Variants in MCM2 observed in about 807,000 individuals in gnomAD.
MCM2 encodes the protein DNA replication licensing factor MCM2.
A neutral mutation model predicts 86.4 loss-of-function variants in MCM2; 49 were observed. The observed-to-expected ratio is 0.57, with a 90% CI of 0.45 to 0.72. The LOEUF (loss-of-function observed/expected upper bound fraction) is 0.72. Among genes scored for constraint, MCM2 ranks in the 30% least tolerant of loss-of-function variants. The pLI, the probability that MCM2 is intolerant of heterozygous loss-of-function variation, is 0.00. For synonymous variants in MCM2, 475 were observed against 484.6 expected (o/e 0.98, Z 0.26); for missense variants, 1,038 against 1,259.9 (o/e 0.82, Z 2.67).
chr3:127,617,444 C>T lies in MCM2; in HGVS notation c.1900+39C>T, dbSNP rs982587219. ...CCTGACTGCTGGGGCTGGGGTGGGA[C>T]ACAGGGAGGTCCCGCCTGCTTGAAT... is the stretch of plus-strand genomic sequence containing the variant. On this transcript the variant is annotated intron_variant, in intron 11 of 15. Coordinates refer to ENST00000265056, the MANE Select transcript of MCM2 (RefSeq NM_004526.4). This position sits in a 1 kb window ranked among gnomAD's most constrained non-coding sequence, Gnocchi z 4.1. The T allele has an allele frequency of 6.3e-7, 1 of 1,596,488 alleles. No individual in the cohort carries two copies. Among genetic ancestry groups the T allele is most frequent in the Non-Finnish European group, 8.5e-7 (1 of 1,172,162 alleles).
In MCM2 at chr3:127,600,108, C is replaced by T. The variant is rs1010344747; in HGVS notation, c.236+561C>T. ...CAGCCTGGTCAACAGGGTGAAACCC[C>T]GTCTCTGCTAAAAATACAAAAAATT... On this transcript the variant is annotated intron_variant, in intron 2 of 15. Transcript: ENST00000265056. 3.3e-5 allele frequency among the ~76,000 whole-genome samples: 5 copies of T among 152,108 alleles called. No individual in the cohort carries two copies. The East Asian group carries it at 9.6e-4, about 29-fold the overall frequency.
chr3:127,611,693 T>G (rs1365720352), intron 8 of MCM2, among the ~76,000 whole-genome samples: 3 of 111,422 alleles, frequency 2.7e-5, no homozygotes, highest in African/African-American at 1.2e-4. Context: ...TTTTTTTTTT[T>G]TTTTTTTTTT....
intron 9 of MCM2, among the ~76,000 whole-genome samples, chr3:127,616,586 AACGCAG>A: frequency 6.6e-6 from 1 of 152,346 alleles, no homozygotes; most frequent in Non-Finnish European, 1.5e-5. Flanking sequence ...GCCACCAGAT[AACGCAG>A]TTTATTTAGC....
At chr3:127,609,834 T>C (rs1429033640) in intron 8 of MCM2, among the ~76,000 whole-genome samples, 1 of 140,454 alleles carries the variant, frequency 7.1e-6, no homozygotes, top group East Asian at 2.1e-4. Flanking sequence ...CTCAGTCAAC[T>C]TCCTTTTTTT....
chr3:127,601,839 A>T (rs780314764), intron 2 of MCM2, among the ~76,000 whole-genome samples: 1 of 152,208 alleles, frequency 6.6e-6, no homozygotes, highest in Non-Finnish European at 1.5e-5. Flanking sequence ...TGTTCTTGCC[A>T]ACATTGGTCT....
At chr3:127,605,205 A>G in intron 4 of MCM2, 49 bp downstream of exon 4, 11 of 1,587,836 alleles carry the variant, frequency 6.9e-6, no homozygotes, top group Non-Finnish European at 9.5e-6. Flanking sequence ...GCCTCCCTAA[A>G]TCCTCCCCAG....
Position 127,608,462 on chromosome 3 carries a change from G to A in MCM2, c.1182G>A (p.Lys394=). The part of the protein sequence containing the change: ...KVAAGRLPRS[K]DAILLADLVD... ...CGGCTGGCCGGCTGCCCCGCTCCAA[G>A]GACGCCATTCTCCTCGCAGATCTGG... Residue 394 remains lysine (K), a synonymous_variant, in exon 7 of 16, where the codon AAG becomes AAA. Transcript: ENST00000265056. 6.2e-7 allele frequency: 1 copy of A among 1,614,212 alleles called. No homozygotes were observed. Among genetic ancestry groups the A allele is most frequent in the Admixed American group, 1.7e-5 (1 of 60,028 alleles).
In MCM2 at chr3:127,622,100, T is replaced by C. The variant is rs1177875371; in HGVS notation, c.*327T>C. The C allele has an allele frequency of 5.0e-6, 1 of 200,012 alleles. No individual in the cohort carries two copies. Among genetic ancestry groups the C allele is most frequent in the Admixed American group, 6.0e-5 (1 of 16,586 alleles). 12.4% of individuals were successfully genotyped at this position (200,012 alleles called of 1,614,324 possible). A position where few individuals can be genotyped will look rare whatever the true frequency, so the allele number is the denominator to read the frequency against. On this transcript the variant is annotated 3_prime_UTR_variant, in exon 16 of 16. Coordinates refer to ENST00000265056, the MANE Select transcript of MCM2 (RefSeq NM_004526.4). ...CTGCGTGTGGTTTAGGTGTTAGCCT[T>C]CTTACATGGATGTCAGGAGAGCTGC...
chr3:127,608,650 C>A, intron 7 of MCM2, 134 bp downstream of exon 7: 1 of 1,326,100 alleles, frequency 7.5e-7, no homozygotes, highest in African/African-American at 1.5e-5. Flanking sequence ...ATGGCTGAGG[C>A]AAAGAACTTT....
intron 7 of MCM2, 84 bp from the exon 8 acceptor site, chr3:127,608,748 C>G (rs563090409): frequency 3.5e-6 from 5 of 1,412,614 alleles, no homozygotes; most frequent in South Asian, 2.5e-5. Flanking sequence ...GGAGCACTTG[C>G]AATAGGAGAA....
intron 6 of MCM2, 117 bp from the exon 7 acceptor site, chr3:127,608,265 G>T: frequency 7.7e-7 from 1 of 1,291,350 alleles, no homozygotes. Context: ...TGCTGTCTTT[G>T]GCTCTCCATT....
At chr3:127,603,039 G>C (rs1257727173) in intron 2 of MCM2, among the ~76,000 whole-genome samples, 2 of 151,826 alleles carry the variant, frequency 1.3e-5, no homozygotes, top group Non-Finnish European at 2.9e-5. Context: ...TTGAGACAGA[G>C]TCTCACTCTG....
chr3:127,616,717 T>C (rs770342322), intron 9 of MCM2, 151 bp from the exon 10 acceptor site: 53 of 824,378 alleles, frequency 6.4e-5, no homozygotes, highest in Non-Finnish European at 9.9e-5. Flanking sequence ...AGAGTGGGAC[T>C]GCATGGCGTA....
chr3:127,599,264 GTAT>G, intron 1 of MCM2, 51 bp from the exon 2 acceptor site: 1 of 1,494,200 alleles, frequency 6.7e-7, no homozygotes, highest in Admixed American at 1.7e-5. Flanking sequence ...AAAGGAAGCT[GTAT>G]CATGCCTCAC....
At position 127,608,742 on chromosome 3, in the gene MCM2, C is replaced by T. The variant is rs541414915; in HGVS notation, c.1237-90C>T. 1.2e-4 allele frequency: 162 copies of T among 1,355,714 alleles called. 2 individuals carry two copies. The East Asian group carries it at 3.3e-3, about 27-fold the overall frequency. 84.0% of individuals were successfully genotyped at this position (1,355,714 alleles called of 1,614,324 possible). ...TTATCTTGGTGTCTGTAGTGTGGAGCACTTGCAATAGGAGAAACTGGAGGA... is the reference window on the plus strand; with the variant it reads ...TTATCTTGGTGTCTGTAGTGTGGAGTACTTGCAATAGGAGAAACTGGAGGA... On this transcript the variant is annotated intron_variant, in intron 7 of 15. Coordinates refer to ENST00000265056, the MANE Select transcript of MCM2 (RefSeq NM_004526.4).
At chr3:127,605,587 T>C (rs1175232520) in intron 4 of MCM2, among the ~76,000 whole-genome samples, 1 of 151,914 alleles carries the variant, frequency 6.6e-6, no homozygotes, top group Admixed American at 6.6e-5. Flanking sequence ...ATTACAGGCA[T>C]GCACCACCAT....
chr3:127,606,728 C>T lies in MCM2; in HGVS notation c.1012C>T (p.Pro338Ser), dbSNP rs763930660. The change falls in exon 6 of 16, where the codon CCT (proline) becomes TCT (serine). Residue 338 changes from proline to serine, a missense_variant. By Grantham distance (74) the Pro-to-Ser change is moderately conservative (BLOSUM62 -1). Transcript: ENST00000265056. This position sits in a 1 kb window ranked among gnomAD's most constrained non-coding sequence, Gnocchi z 4.2. ...NCNKCNFVLGPFCQSQNQEVK... is the reference protein window; with the variant it reads ...NCNKCNFVLGSFCQSQNQEVK... Reference sequence around the variant, plus strand: ...CAACAAGTGCAATTTCGTCCTGGGTCCTTTCTGCCAGTCCCAGAACCAGGA... The same window carrying T: ...CAACAAGTGCAATTTCGTCCTGGGTTCTTTCTGCCAGTCCCAGAACCAGGA... The T allele has an allele frequency of 2.5e-6, 4 of 1,614,130 alleles. No homozygotes were observed. Among genetic ancestry groups the T allele is most frequent in the East Asian group, 2.2e-5 (1 of 44,892 alleles).
rs2107689664 is a variant in MCM2, at chr3:127,608,440, C to G, written c.1160C>G (p.Ala387Gly). ...CAGGAGAGTCCAGGCAAAGTGGCGG[C>G]TGGCCGGCTGCCCCGCTCCAAGGAC... is the stretch of plus-strand genomic sequence containing the variant. ...RIQESPGKVA[A>G]GRLPRSKDAI... The change falls in exon 7 of 16, where the codon GCT becomes GGT. Residue 387 changes from alanine (A) to glycine (G), a missense_variant. Around this residue, in one of 4 missense-constraint regions of MCM2, gnomAD observed 399 missense variants for 507.2 expected, o/e 0.79. Coordinates refer to ENST00000265056, the MANE Select transcript of MCM2 (RefSeq NM_004526.4). The G allele has an allele frequency of 6.2e-7, 1 of 1,614,218 alleles. No homozygotes were observed. Among genetic ancestry groups the G allele is most frequent in the Non-Finnish European group, 8.5e-7 (1 of 1,180,054 alleles).
In MCM2 at chr3:127,606,502, C is replaced by CGGGCTGG; in HGVS notation, c.894-99_894-93dup. 8.0e-7 allele frequency: 1 copy of CGGGCTGG among 1,248,240 alleles called. No homozygotes were observed. Among genetic ancestry groups the CGGGCTGG allele is most frequent in the Non-Finnish European group, 1.1e-6 (1 of 879,736 alleles). 77.3% of individuals were successfully genotyped at this position (1,248,240 alleles called of 1,614,324 possible). On this transcript the variant is annotated intron_variant, in intron 5 of 15. Transcript: ENST00000265056. The surrounding 1 kb of genome is among the most constrained non-coding windows in gnomAD (Gnocchi z 4.2). ...AGGAGTGTGATGGGAGGGATCTTCC[C>CGGGCTGG]GGGCTGGGGGCTGGGCCCAATTTCC...
Sources: allele counts gnomAD v4.1 joint callset (sites outside exome capture counted in the v4.1 genomes callset), GRCh38; gene constraint gnomAD v4.1.1; regional missense constraint gnomAD v4.1.1; non-coding constraint Gnocchi (gnomAD v3.1); transcripts MANE v1.5; gene names NCBI Gene and HGNC (gene_info 2026-07-23, HGNC 2026-07-21).